Variants in PRKCA observed in about 807,000 individuals in gnomAD.
PRKCA encodes protein kinase C alpha type.
A neutral mutation model predicts 87.0 loss-of-function variants in PRKCA; 27 were observed. That is an observed-to-expected ratio of 0.31 (90% confidence interval 0.23 to 0.43). The LOEUF is 0.43. PRKCA is among the 20% of genes least tolerant of loss of function. The probability of loss-of-function intolerance (pLI) is 1.00; values close to 1 mark genes in which losing one functional copy is unlikely to be tolerated. For synonymous variants in PRKCA, 329 were observed against 311.1 expected, an observed-to-expected ratio of 1.06 and a Z score of -0.61; for missense variants, 518 against 852.3, an observed-to-expected ratio of 0.61 and a Z score of 4.88.
chr17:66,788,241 AGAGATACT>A (rs1975447734), intron 15 of PRKCA, among the ~76,000 whole-genome samples: 1 of 152,208 alleles, frequency 6.6e-6, no homozygotes, highest in South Asian at 2.1e-4. Flanking sequence ...GGCACTTGGA[AGAGATACT>A]GAGATCGGGA....
chr17:66,707,186 C>T (rs575152741), intron 8 of PRKCA, among the ~76,000 whole-genome samples: 11 of 152,264 alleles, frequency 7.2e-5, no homozygotes, highest in African/African-American at 1.4e-4. Flanking sequence ...CCTCCACTTC[C>T]GTCAGTCCTA....
rs117285977 is a variant in PRKCA at position 66,535,576 on chromosome 17, C to G, written c.288+39293C>G. 4.8e-3 allele frequency among the ~76,000 whole-genome samples: 733 copies of G among 152,258 alleles called. 5 individuals are homozygous for G. The highest frequency in any genetic ancestry group is 7.7e-3 in the Non-Finnish European group (522 of 68,000). On this transcript the variant is annotated intron_variant, in intron 3 of 16. Coordinates refer to ENST00000413366, the MANE Select transcript of PRKCA (RefSeq NM_002737.3). ...CAGCTTCCTTGGGGTTGGCCCTCAC[C>G]AGAGTAAGGGCACAAAACACAGCTC...
chr17:66,635,697 T>G (rs962948972), intron 3 of PRKCA, among the ~76,000 whole-genome samples: 1 of 152,240 alleles, frequency 6.6e-6, no homozygotes, highest in African/African-American at 2.4e-5. Context: ...TACTACTGTA[T>G]TCCCTATTCA....
At chr17:66,778,515 C>T (rs79555868) in intron 14 of PRKCA, among the ~76,000 whole-genome samples, 11,259 of 151,820 alleles carry the variant, frequency 0.074, 610 homozygotes, top group East Asian at 0.21. Flanking sequence ...GACTCCATCT[C>T]AAAAAAATAA....
At position 66,419,974 on chromosome 17, in the gene PRKCA, G is replaced by A. The variant is rs1011001665; in HGVS notation, c.206-76227G>A. Among the ~76,000 whole-genome samples the A allele has an allele frequency of 1.3e-4, 19 of 150,524 alleles. 1 individual carries two copies. The highest frequency in any genetic ancestry group is 1.1e-3 in the Admixed American group (17 of 15,160). The stretch of plus-strand genomic sequence containing the variant: ...TCCTCAGTCAGTGTTTGTTGAAGGG[G>A]TAAACAAACCCCATTCTGGGTTGTG... On this transcript the variant is annotated intron_variant, in intron 2 of 16. Transcript: ENST00000413366.
chr17:66,575,308 G>T (rs1969200523), intron 3 of PRKCA, among the ~76,000 whole-genome samples: 1 of 152,258 alleles, frequency 6.6e-6, no homozygotes, highest in African/African-American at 2.4e-5. Context: ...GCCAGGTGTG[G>T]TAGCTCATGC....
At chr17:66,382,700 A>T (rs1051527971) in intron 2 of PRKCA, among the ~76,000 whole-genome samples, 3 of 152,164 alleles carry the variant, frequency 2.0e-5, no homozygotes, top group Non-Finnish European at 4.4e-5. Context: ...TCAATCAGGG[A>T]TGATTTTGCT....
At chr17:66,376,863 C>T (rs1909449296) in intron 2 of PRKCA, among the ~76,000 whole-genome samples, 2 of 152,036 alleles carry the variant, frequency 1.3e-5, no homozygotes, top group African/African-American at 4.8e-5. Context: ...TGTGAGTACA[C>T]ACCCTGGAAA....
At chr17:66,414,294 G>A (rs1048235118) in intron 2 of PRKCA, among the ~76,000 whole-genome samples, 2 of 152,098 alleles carry the variant, frequency 1.3e-5, no homozygotes, top group African/African-American at 4.8e-5. Flanking sequence ...GTTCTCACGA[G>A]ATCTGGTCGT....
intron 3 of PRKCA, among the ~76,000 whole-genome samples, chr17:66,615,447 A>G (rs1366369811): frequency 6.6e-6 from 1 of 152,146 alleles, no homozygotes. Flanking sequence ...TGAACCTTGT[A>G]TGTAGCTCTG....
At position 66,740,332 on chromosome 17, in the gene PRKCA, G is replaced by T. The variant is rs375092642; in HGVS notation, c.1323-1327G>T. Among the ~76,000 whole-genome samples the T allele has an allele frequency of 4.6e-5, 7 of 152,090 alleles. No homozygotes were observed. The East Asian group carries it at 9.6e-4, about 21-fold the overall frequency. ...GAAAACATCATCTCACCTCTCAGGG[G>T]CCAGGAAGTCTCAGGAAACACCAGT... On this transcript the variant is annotated intron_variant, in intron 11 of 16. Transcript: ENST00000413366.
At chr17:66,732,432 G>A (rs994122791) in intron 8 of PRKCA, among the ~76,000 whole-genome samples, 17 of 152,134 alleles carry the variant, frequency 1.1e-4, no homozygotes, top group African/African-American at 3.1e-4. Flanking sequence ...GGATCCCCAC[G>A]CATCAATTCT....
intron 2 of PRKCA, among the ~76,000 whole-genome samples, chr17:66,342,256 T>C (rs889806101): frequency 1.3e-5 from 2 of 151,934 alleles, no homozygotes; most frequent in Admixed American, 6.6e-5. Context: ...ACCCCGTCTC[T>C]ACTAAAAATA....
chr17:66,789,592 G>A (rs1384762117), intron 16 of PRKCA, among the ~76,000 whole-genome samples: 1 of 152,194 alleles, frequency 6.6e-6, no homozygotes, highest in Non-Finnish European at 1.5e-5. Flanking sequence ...TGTTCTGAGT[G>A]CCTTACGAAT....
At chr17:66,492,958 G>A (rs1350517298) in intron 2 of PRKCA, among the ~76,000 whole-genome samples, 2 of 152,216 alleles carry the variant, frequency 1.3e-5, no homozygotes, top group Non-Finnish European at 2.9e-5. Context: ...TGGGCAGCCA[G>A]CAGGATCCCT....
chr17:66,641,335 T>C lies in PRKCA; in HGVS notation c.289-20T>C. 1 of 1,582,184 alleles carries C rather than the reference T, an allele frequency of 6.3e-7. No individual in the cohort carries two copies. The highest frequency in any genetic ancestry group is 8.7e-7 in the Non-Finnish European group (1 of 1,153,208). On this transcript the variant is annotated intron_variant, in intron 3 of 16. Coordinates refer to ENST00000413366, the MANE Select transcript of PRKCA (RefSeq NM_002737.3). ...GTCCTTTCATGACTAAAATGAGCAT[T>C]GTGCTTCTTCTCCTCCCAGGACCCC...
At chr17:66,678,769 T>C (rs369272387) in intron 5 of PRKCA, among the ~76,000 whole-genome samples, 3 of 152,318 alleles carry the variant, frequency 2.0e-5, no homozygotes, top group African/African-American at 7.2e-5. Flanking sequence ...CTGTTTTAGA[T>C]ACATTTATGC....
intron 3 of PRKCA, among the ~76,000 whole-genome samples, chr17:66,532,949 C>G (rs1370332739): frequency 6.6e-6 from 1 of 152,228 alleles, no homozygotes; most frequent in African/African-American, 2.4e-5. Flanking sequence ...TAGCACAAAA[C>G]AGACACGTTT....
chr17:66,382,071 T>C (rs1001297724), intron 2 of PRKCA, among the ~76,000 whole-genome samples: 3 of 152,108 alleles, frequency 2.0e-5, no homozygotes, highest in African/African-American at 7.2e-5. Flanking sequence ...GTGGATTAAC[T>C]TTGCACAGAT....
Sources: allele counts gnomAD v4.1 joint callset (sites outside exome capture counted in the v4.1 genomes callset), GRCh38; gene constraint gnomAD v4.1.1; transcripts MANE v1.5; gene names NCBI Gene and HGNC (gene_info 2026-07-23, HGNC 2026-07-21).